DNER: variants seen among roughly 807,000 people sequenced by gnomAD.
DNER encodes the protein delta/notch like EGF repeat containing.
Under a neutral mutation model 78.2 loss-of-function variants are expected in DNER, and 33 were observed. The observed-to-expected ratio is 0.42, with a 90% CI of 0.32 to 0.56. DNER has a LOEUF of 0.56. DNER is among the 20% of genes least tolerant of loss of function. The pLI is 0.11. For missense variants in DNER, 918 were observed against 975.3 expected (o/e 0.94, Z 0.78); for synonymous variants, 417 against 384.8 (o/e 1.08, Z -0.98).
At chr2:229,497,963 A>C (rs570024861) in intron 6 of DNER, among the ~76,000 whole-genome samples, 9 of 145,538 alleles carry the variant, frequency 6.2e-5, no homozygotes, top group African/African-American at 2.3e-4. Context: ...TACCAAAGCC[A>C]GACAAGGACA....
At chr2:229,381,794 A>G (rs1460458534) in intron 11 of DNER, among the ~76,000 whole-genome samples, 1 of 152,190 alleles carries the variant, frequency 6.6e-6, no homozygotes, top group Admixed American at 6.5e-5. Flanking sequence ...GCTTATAGAT[A>G]AAACTCCCAT....
chr2:229,367,552 G>A (rs944497722), intron 11 of DNER, among the ~76,000 whole-genome samples: 1 of 152,148 alleles, frequency 6.6e-6, no homozygotes, highest in Admixed American at 6.5e-5. Context: ...AGTGAGCCAA[G>A]ATTGCACCAC....
intron 1 of DNER, among the ~76,000 whole-genome samples, chr2:229,687,136 T>C (rs1455303509): frequency 2.0e-5 from 3 of 152,240 alleles, no homozygotes; most frequent in African/African-American, 7.2e-5. Context: ...GGCTAAGCTC[T>C]GTCATAGAGC....
chr2:229,443,093 T>A (rs1694269454), intron 8 of DNER, among the ~76,000 whole-genome samples: 1 of 151,364 alleles, frequency 6.6e-6, no homozygotes, highest in Non-Finnish European at 1.5e-5. Context: ...TAGATCTTGC[T>A]TGTTAAAAAA....
chr2:229,639,939 A>G (rs1698588224), intron 1 of DNER, among the ~76,000 whole-genome samples: 1 of 152,068 alleles, frequency 6.6e-6, no homozygotes, highest in South Asian at 2.1e-4. Flanking sequence ...CCAAGGGACA[A>G]CCCTCCATTT....
chr2:229,615,569 G>T (rs4625897), intron 1 of DNER, among the ~76,000 whole-genome samples: 1 of 151,880 alleles, frequency 6.6e-6, no homozygotes, highest in Non-Finnish European at 1.5e-5. Context: ...AAAATTAGCC[G>T]GAAGTGGTGG....
intron 8 of DNER, among the ~76,000 whole-genome samples, chr2:229,420,078 C>A (rs1197671434): frequency 6.6e-6 from 1 of 151,630 alleles, no homozygotes; most frequent in Non-Finnish European, 1.5e-5. Context: ...CTATGGCCCA[C>A]AGATGAAATC....
intron 4 of DNER, among the ~76,000 whole-genome samples, chr2:229,585,474 A>C (rs1340891171): frequency 6.6e-6 from 1 of 152,106 alleles, no homozygotes; most frequent in Non-Finnish European, 1.5e-5. Context: ...CAACCTGGCC[A>C]GGGTGGTGAA....
rs539536876 is a variant in DNER, at chr2:229,611,787, C to G, written c.277-19899G>C. ...ACCCAGTTCTTTGAACCTGGCTCCA[C>G]CAGCCCTTCCTCTAAGACGTACTGA... is the stretch of plus-strand genomic sequence containing the variant. On this transcript the variant is annotated intron_variant, in intron 1 of 12. Coordinates refer to ENST00000341772, the MANE Select transcript of DNER (RefSeq NM_139072.4). 3.9e-5 allele frequency among the ~76,000 whole-genome samples: 6 copies of G among 152,304 alleles called. No homozygotes were observed. In the East Asian group the frequency reaches 1.2e-3, roughly 29 times the overall value.
In DNER at chr2:229,447,328, G is replaced by A. The variant is rs1331261511; in HGVS notation, c.1474C>T (p.Leu492Phe). 2.5e-6 allele frequency: 4 copies of A among 1,602,716 alleles called. No individual in the cohort carries two copies. The highest frequency in any genetic ancestry group is 1.7e-6 in the Non-Finnish European group (2 of 1,174,696). Reference protein sequence around the residue: ...CRSVGTSYKCLCDPGYHGLYC... With the variant: ...CRSVGTSYKCFCDPGYHGLYC... ...GGGCGGTACCCACCTGGATCACAGAGGCATTTGTAGCTGGTGCCCACGCTG... is the reference window on the plus strand; with the variant it reads ...GGGCGGTACCCACCTGGATCACAGAAGCATTTGTAGCTGGTGCCCACGCTG... Residue 492 changes from leucine (L) to phenylalanine (F), a missense_variant, in exon 8 of 13, where the codon CTC becomes TTC. Transcript: ENST00000341772.
At chr2:229,398,840 A>G (rs1361362828) in intron 10 of DNER, among the ~76,000 whole-genome samples, 3 of 152,208 alleles carry the variant, frequency 2.0e-5, no homozygotes, top group Admixed American at 6.5e-5. Context: ...AAAAAATCAC[A>G]TGATCATATC....
At chr2:229,500,744 G>A (rs1695602830) in intron 6 of DNER, among the ~76,000 whole-genome samples, 1 of 150,712 alleles carries the variant, frequency 6.6e-6, no homozygotes, top group South Asian at 2.2e-4. Context: ...AACAGATTGT[G>A]TATGGTTACA....
chr2:229,643,091 C>T (rs1162096554), intron 1 of DNER, among the ~76,000 whole-genome samples: 4 of 152,086 alleles, frequency 2.6e-5, no homozygotes, highest in East Asian at 3.9e-4. Context: ...ATAGCATTCA[C>T]CTTTACTCCC....
intron 4 of DNER, among the ~76,000 whole-genome samples, chr2:229,552,076 A>C (rs531998672): frequency 6.6e-6 from 1 of 152,244 alleles, no homozygotes; most frequent in African/African-American, 2.4e-5. Flanking sequence ...AATGAAGATT[A>C]CTGAGCAGAA....
intron 5 of DNER, among the ~76,000 whole-genome samples, chr2:229,530,624 G>C (rs975186025): frequency 6.6e-6 from 1 of 152,238 alleles, no homozygotes; most frequent in African/African-American, 2.4e-5. Context: ...TTACTAAGCA[G>C]CTGCCGAATT....
chr2:229,707,028 T>C lies in DNER; in HGVS notation c.276+7120A>G, dbSNP rs6751144. On this transcript the variant is annotated intron_variant, in intron 1 of 12. Coordinates refer to ENST00000341772, the MANE Select transcript of DNER (RefSeq NM_139072.4). ...GATTTTTTTTGTTTTGTGTTTTTTT[T>C]CCCCCGAGACAGAGTCTCGCTTCAG... 7.0e-4 allele frequency among the ~76,000 whole-genome samples: 106 copies of C among 152,144 alleles called. 1 individual carries two copies. The highest frequency in any genetic ancestry group is 2.5e-3 in the African/African-American group (102 of 41,500).
rs565923416 is a variant in DNER, at chr2:229,582,693, G to A, written c.847+3165C>T. ...CTCACTCTGCTGCCCAGGCTAGAGTGCAGTGGCGTGATCTTGGCTCACTGC... is the reference window on the plus strand; with the variant it reads ...CTCACTCTGCTGCCCAGGCTAGAGTACAGTGGCGTGATCTTGGCTCACTGC... On this transcript the variant is annotated intron_variant, in intron 4 of 12. Coordinates refer to ENST00000341772, the MANE Select transcript of DNER (RefSeq NM_139072.4). Among the ~76,000 whole-genome samples, 5 of 152,270 alleles carry A rather than the reference G, an allele frequency of 3.3e-5. No individual in the cohort carries two copies. In the South Asian group the frequency reaches 1.0e-3, roughly 32 times the overall value.
chr2:229,585,300 C>T (rs573269674), intron 4 of DNER, among the ~76,000 whole-genome samples: 2 of 152,334 alleles, frequency 1.3e-5, no homozygotes, highest in South Asian at 2.1e-4. Flanking sequence ...GTGATGCCTT[C>T]GCCAGGGCTG....
chr2:229,453,625 C>T (rs139319026), intron 7 of DNER, among the ~76,000 whole-genome samples: 72 of 152,298 alleles, frequency 4.7e-4, no homozygotes, highest in Non-Finnish European at 6.3e-4. Flanking sequence ...GAGCATGTCT[C>T]ATTGAGAGAC....
Sources: allele counts gnomAD v4.1 joint callset (sites outside exome capture counted in the v4.1 genomes callset), GRCh38; gene constraint gnomAD v4.1.1; transcripts MANE v1.5; gene names NCBI Gene and HGNC (gene_info 2026-07-23, HGNC 2026-07-21).